The following MATN2 variants were observed in gnomAD, a reference collection of about 807,000 sequenced individuals.
MATN2 encodes the protein matrilin-2.
In MATN2, 69 loss-of-function variants were observed where a neutral mutation model predicts 103.2. That is an observed-to-expected ratio of 0.67 (90% CI 0.55 to 0.82). MATN2 has a LOEUF of 0.82. MATN2 is among the 40% of genes least tolerant of loss of function. MATN2 has a pLI of 0.00. For synonymous variants in MATN2, 429 were observed against 450.2 expected (o/e 0.95, Z 0.60); for missense variants, 1,023 against 1,211.5 (o/e 0.84, Z 2.31).
chr8:97,984,331 T>C (rs1348760332), intron 6 of MATN2, among the ~76,000 whole-genome samples: 1 of 152,220 alleles, frequency 6.6e-6, no homozygotes, highest in African/African-American at 2.4e-5. Context: ...CAAAACAAAT[T>C]TGGCTACTTG....
chr8:98,004,072 A>C, intron 8 of MATN2: 1 of 337,450 alleles, frequency 3.0e-6, no homozygotes, highest in South Asian at 2.6e-5. Context: ...AGATCACCTG[A>C]GGTCAGGAGT....
chr8:97,980,241 T>C (rs924203913), intron 6 of MATN2, among the ~76,000 whole-genome samples: 3 of 152,236 alleles, frequency 2.0e-5, no homozygotes, highest in Non-Finnish European at 4.4e-5. Flanking sequence ...CAGTGGTTTA[T>C]TTGTTTTGTT....
chr8:97,999,147 C>T (rs535460377), intron 7 of MATN2, among the ~76,000 whole-genome samples: 10 of 152,314 alleles, frequency 6.6e-5, no homozygotes, highest in African/African-American at 2.2e-4. Flanking sequence ...CTTCAAGGTT[C>T]GTTCAGTTGT....
chr8:97,889,459 C>CTATATATATATATATATA (rs56115197), intron 2 of MATN2, among the ~76,000 whole-genome samples: 2,981 of 122,286 alleles, frequency 0.024, 120 homozygotes, highest in Non-Finnish European at 0.034. Context: ...CTCTCTCTGT[C>CTATATATATATATATATA]TATATATATA....
At chr8:97,886,109 T>A (rs146261201) in intron 1 of MATN2, among the ~76,000 whole-genome samples, 1 of 152,206 alleles carries the variant, frequency 6.6e-6, no homozygotes, top group African/African-American at 2.4e-5. Context: ...ATGAACCCTA[T>A]CATGAACTGC....
intron 3 of MATN2, among the ~76,000 whole-genome samples, chr8:97,933,206 G>A (rs916854523): frequency 5.3e-5 from 8 of 152,210 alleles, no homozygotes; most frequent in African/African-American, 1.9e-4. Context: ...GTTCAGAAGT[G>A]CCATTTCCCT....
At chr8:97,998,690 A>G (rs1812685865) in intron 7 of MATN2, among the ~76,000 whole-genome samples, 1 of 149,150 alleles carries the variant, frequency 6.7e-6, no homozygotes, top group Admixed American at 6.6e-5. Context: ...TATATTTTTA[A>G]AATTGTTACA....
rs903107064 is a variant in MATN2 at position 98,016,718 on chromosome 8, G to A, written c.1696+56G>A. ...CTATGCCAGACCACTGTGTGAAATC[G>A]CTATCCTTATCTCTGTATATATCAG... On this transcript the variant is annotated intron_variant, in intron 11 of 18. Coordinates refer to ENST00000254898, the MANE Select transcript of MATN2 (RefSeq NM_002380.5). 5.9e-5 allele frequency: 94 copies of A among 1,581,008 alleles called. No individual in the cohort carries two copies. The Admixed American group carries it at 1.1e-3, about 18-fold the overall frequency.
At chr8:97,913,261 A>G (rs943532110) in intron 2 of MATN2, among the ~76,000 whole-genome samples, 2 of 151,658 alleles carry the variant, frequency 1.3e-5, no homozygotes, top group African/African-American at 4.8e-5. Context: ...TGGAAGACTC[A>G]TGGGGAGAGT....
intron 1 of MATN2, among the ~76,000 whole-genome samples, chr8:97,880,487 A>C (rs1818218196): frequency 6.6e-6 from 1 of 152,188 alleles, no homozygotes; most frequent in South Asian, 2.1e-4. Flanking sequence ...AGGTTACTAG[A>C]CAGATAAACT....
chr8:97,994,242 G>A (rs1403525121), intron 6 of MATN2, among the ~76,000 whole-genome samples: 1 of 150,812 alleles, frequency 6.6e-6, no homozygotes, highest in Non-Finnish European at 1.5e-5. Context: ...GGGGGAGGAA[G>A]GGAAAGAGGG....
chr8:97,952,342 A>G (rs1377671764), intron 4 of MATN2: 2 of 152,224 alleles, frequency 1.3e-5, no homozygotes, highest in Non-Finnish European at 2.9e-5. Flanking sequence ...TTTAACTCCA[A>G]AGATGAGATT....
intron 7 of MATN2, among the ~76,000 whole-genome samples, chr8:98,002,147 T>C (rs554844923): frequency 2.0e-5 from 3 of 152,330 alleles, no homozygotes; most frequent in African/African-American, 7.2e-5. Context: ...GCCTGCTATG[T>C]GTGGGGTCTT....
intron 6 of MATN2, among the ~76,000 whole-genome samples, chr8:97,983,771 CTGAA>C (rs1349905717): frequency 6.6e-6 from 1 of 152,130 alleles, no homozygotes; most frequent in Non-Finnish European, 1.5e-5. Flanking sequence ...GAGTAAGGCA[CTGAA>C]TGAATATTTT....
chr8:97,950,817 G>C (rs1049043185), intron 4 of MATN2: 1 of 152,320 alleles, frequency 6.6e-6, no homozygotes, highest in Non-Finnish European at 1.5e-5. Flanking sequence ...AGGGCAAACA[G>C]ATGCGTCCAA....
intron 3 of MATN2, among the ~76,000 whole-genome samples, chr8:97,940,261 AAG>A (rs1437740297): frequency 6.6e-6 from 1 of 151,980 alleles, no homozygotes; most frequent in Non-Finnish European, 1.5e-5. Context: ...GCAACATAGT[AAG>A]ACATCATCTC....
intron 4 of MATN2, among the ~76,000 whole-genome samples, chr8:97,956,644 A>G (rs1811155101): frequency 6.6e-6 from 1 of 152,254 alleles, no homozygotes; most frequent in African/African-American, 2.4e-5. Context: ...TGTCTTATGG[A>G]AAGCTGCTTC....
chr8:97,916,810 G>T (rs1422873710), intron 2 of MATN2, among the ~76,000 whole-genome samples: 1 of 152,148 alleles, frequency 6.6e-6, no homozygotes, highest in Non-Finnish European at 1.5e-5. Context: ...TTTCATTTTG[G>T]CTCTCTCACA....
intron 5 of MATN2, among the ~76,000 whole-genome samples, chr8:97,961,884 A>T (rs1811327452): frequency 6.6e-6 from 1 of 152,160 alleles, no homozygotes. Context: ...GTTATACATG[A>T]AATTTACTTG....
Sources: gnomAD v4.1 joint callset for allele counts (sites outside exome capture counted in the v4.1 genomes callset) on GRCh38, gnomAD v4.1.1 for gene constraint, MANE v1.5 for transcripts, NCBI Gene and HGNC (gene_info 2026-07-23, HGNC 2026-07-21) for gene names.